Variants in CACNB2 observed in about 807,000 individuals in gnomAD.
CACNB2 encodes the protein calcium voltage-gated channel auxiliary subunit beta 2, also known as voltage-dependent L-type calcium channel subunit beta-2.
CACNB2 carries 42 observed loss-of-function variants against 73.3 expected under a neutral mutation model. The observed-to-expected ratio is 0.57, with a 90% CI of 0.45 to 0.74. The LOEUF (loss-of-function observed/expected upper bound fraction) is 0.74, where lower values mean the gene tolerates loss of function less well. Ranked by LOEUF, CACNB2 falls within the 30% of genes least tolerant of loss-of-function variation. The probability of loss-of-function intolerance (pLI) is 0.00; values close to 1 mark genes in which losing one functional copy is unlikely to be tolerated. For missense variants in CACNB2, 940 were observed against 853.0 expected, an observed-to-expected ratio of 1.10 and a Z score of -1.27; for synonymous variants, 348 against 310.3, an observed-to-expected ratio of 1.12 and a Z score of -1.28.
chr10:18,336,445 C>G (rs1467315476), intron 2 of CACNB2, among the ~76,000 whole-genome samples: 1 of 152,126 alleles, frequency 6.6e-6, no homozygotes, highest in Non-Finnish European at 1.5e-5. Flanking sequence ...ATGGCAAAAC[C>G]TCATCTCTAC....
chr10:18,146,580 C>A (rs145329779), intron 1 of CACNB2, among the ~76,000 whole-genome samples: 10,904 of 151,986 alleles, frequency 0.072, 513 homozygotes, highest in South Asian at 0.11. Context: ...TGGGTTCAGG[C>A]GATTCTCCTG....
At chr10:18,356,942 C>CTTTTTTTTTTTTTTTTTT (rs71402158) in intron 2 of CACNB2, among the ~76,000 whole-genome samples, 3 of 101,102 alleles carry the variant, frequency 3.0e-5, no homozygotes, top group Non-Finnish European at 6.1e-5. Context: ...GACTCAATTT[C>CTTTTTTTTTTTTTTTTTT]TTTTTTTTTT....
chr10:18,259,922 A>G (rs2037462033), intron 2 of CACNB2, among the ~76,000 whole-genome samples: 2 of 152,126 alleles, frequency 1.3e-5, no homozygotes, highest in South Asian at 4.1e-4. Context: ...AAAAGCCTTG[A>G]GAAAATACTG....
rs1037331525 is a variant in CACNB2 at position 18,534,181 on chromosome 10, C to T, written c.1160C>T (p.Thr387Ile). The T allele has an allele frequency of 1.2e-5, 20 of 1,613,476 alleles. No individual in the cohort carries two copies. The highest frequency in any genetic ancestry group is 1.6e-5 in the Non-Finnish European group (19 of 1,179,530). Residue 387 changes from threonine to isoleucine, a missense_variant, in exon 11 of 14, where the codon ACC (threonine) becomes ATC (isoleucine). By Grantham distance (89) the Thr-to-Ile change is moderately conservative. Coordinates refer to ENST00000324631, the MANE Select transcript of CACNB2 (RefSeq NM_201596.3). ...AATCATCCAGCTCAACTCAGTAAAA[C>T]CTCCTTGGCCCCTATTATAGTATAT... ...TINHPAQLSK[T>I]SLAPIIVYVK...
chr10:18,314,669 GCCA>G, intron 2 of CACNB2, among the ~76,000 whole-genome samples: 1 of 151,906 alleles, frequency 6.6e-6, no homozygotes, highest in African/African-American at 2.4e-5. Flanking sequence ...AAAACTGTCT[GCCA>G]TACAGCAAAA....
chr10:18,405,851 G>A (rs888232896), intron 3 of CACNB2, among the ~76,000 whole-genome samples: 3 of 152,120 alleles, frequency 2.0e-5, no homozygotes, highest in Non-Finnish European at 4.4e-5. Flanking sequence ...CCAGCTACTT[G>A]GGAGGCTGAG....
chr10:18,324,021 C>A (rs1398428275), intron 2 of CACNB2, among the ~76,000 whole-genome samples: 2 of 152,082 alleles, frequency 1.3e-5, no homozygotes, highest in African/African-American at 4.8e-5. Context: ...GGGGAAAATA[C>A]CATTTTAAAC....
intron 3 of CACNB2, among the ~76,000 whole-genome samples, chr10:18,465,732 A>G (rs2047844224): frequency 1.3e-5 from 2 of 149,752 alleles, no homozygotes; most frequent in Non-Finnish European, 3.0e-5. Flanking sequence ...ACCATGCTAG[A>G]GTGCAGTGGC....
intron 11 of CACNB2, among the ~76,000 whole-genome samples, chr10:18,534,806 T>G (rs1236924294): frequency 2.0e-5 from 3 of 152,238 alleles, no homozygotes; most frequent in Non-Finnish European, 4.4e-5. Context: ...GATTGAGTTG[T>G]GAACTAAACT....
intron 2 of CACNB2, among the ~76,000 whole-genome samples, chr10:18,243,819 T>A (rs367801130): frequency 6.6e-6 from 1 of 152,162 alleles, no homozygotes; most frequent in Non-Finnish European, 1.5e-5. Context: ...TTTTGGACTT[T>A]CCAACCACCA....
chr10:18,492,586 A>T (rs2049504905), intron 3 of CACNB2, among the ~76,000 whole-genome samples: 1 of 133,680 alleles, frequency 7.5e-6, no homozygotes, highest in South Asian at 2.3e-4. Context: ...GCACCACTTC[A>T]CTCCAGCCTG....
At chr10:18,484,833 A>C (rs2048975508) in intron 3 of CACNB2, among the ~76,000 whole-genome samples, 2 of 152,168 alleles carry the variant, frequency 1.3e-5, no homozygotes, top group South Asian at 4.1e-4. Flanking sequence ...ATACACTTGC[A>C]CTTACATATA....
chr10:18,229,095 C>T (rs1477288129), intron 2 of CACNB2, among the ~76,000 whole-genome samples: 1 of 152,112 alleles, frequency 6.6e-6, no homozygotes, highest in East Asian at 1.9e-4. Context: ...CAAATATATA[C>T]ACAAGCAAGA....
intron 2 of CACNB2, among the ~76,000 whole-genome samples, chr10:18,178,783 C>T (rs58894965): frequency 0.015 from 2,246 of 152,268 alleles, 53 homozygotes; most frequent in African/African-American, 0.049. Flanking sequence ...TGGAGACTGC[C>T]AGGAGAGCTG....
rs192665551 is a variant in CACNB2, at chr10:18,363,278, A to T, written c.214-38646A>T. 1.3e-3 allele frequency among the ~76,000 whole-genome samples: 194 copies of T among 152,318 alleles called. 1 individual carries two copies. The highest frequency in any genetic ancestry group is 4.4e-3 in the African/African-American group (184 of 41,572). On this transcript the variant is annotated intron_variant, in intron 2 of 13. Coordinates refer to ENST00000324631, the MANE Select transcript of CACNB2 (RefSeq NM_201596.3). ...CCTGGCGTTCCAGGCTCTCAACAGG[A>T]TGGATGGCTCAGGCTTGGCTTTTCA...
chr10:18,183,058 C>A (rs2033970042), intron 2 of CACNB2, among the ~76,000 whole-genome samples: 1 of 151,754 alleles, frequency 6.6e-6, no homozygotes, highest in Admixed American at 6.6e-5. Flanking sequence ...ATTTGTGCAG[C>A]TGGGCAGACC....
intron 3 of CACNB2, among the ~76,000 whole-genome samples, chr10:18,479,980 G>A (rs1250573504): frequency 6.6e-6 from 1 of 152,128 alleles, no homozygotes; most frequent in Non-Finnish European, 1.5e-5. Context: ...ATCATAGGCT[G>A]TATTCATTCA....
At chr10:18,246,661 G>A (rs761914003) in intron 2 of CACNB2, among the ~76,000 whole-genome samples, 7 of 152,130 alleles carry the variant, frequency 4.6e-5, no homozygotes, top group Non-Finnish European at 7.4e-5. Flanking sequence ...GCTTACTACA[G>A]CCTCCAACTC....
chr10:18,300,167 G>A (rs1225724369), intron 2 of CACNB2, among the ~76,000 whole-genome samples: 6 of 152,030 alleles, frequency 3.9e-5, no homozygotes, highest in Admixed American at 2.6e-4. Flanking sequence ...GATTATAGGC[G>A]TGCATCACCA....
Sources: gnomAD v4.1 joint callset for allele counts (sites outside exome capture counted in the v4.1 genomes callset) on GRCh38, gnomAD v4.1.1 for gene constraint, MANE v1.5 for transcripts, NCBI Gene and HGNC (gene_info 2026-07-23, HGNC 2026-07-21) for gene names.